RMC1: variants seen among roughly 807,000 people sequenced by gnomAD.
RMC1 encodes the protein regulator of MON1-CCZ1.
A neutral mutation model predicts 95.5 loss-of-function variants in RMC1; 44 were observed. That is an observed-to-expected ratio of 0.46 (90% CI 0.36 to 0.59). RMC1 has a LOEUF of 0.59. Ranked by LOEUF, RMC1 falls within the 20% of genes least tolerant of loss-of-function variation. RMC1 has a pLI of 0.00. For missense variants in RMC1, 705 were observed against 819.6 expected (o/e 0.86, Z 1.71); for synonymous variants, 320 against 303.6 (o/e 1.05, Z -0.56).
intron 10 of RMC1, among the ~76,000 whole-genome samples, chr18:23,523,543 C>CAAAAAAAAAAAAAAAAAAAA (rs374224848): frequency 2.6e-5 from 2 of 76,408 alleles, no homozygotes; most frequent in Non-Finnish European, 4.7e-5. Context: ...CTTGTCTTCA[C>CAAAAAAAAAAAAAAAAAAAA]AAAAAAAAAA....
At chr18:23,519,213 T>C (rs1455717751) in intron 9 of RMC1, 39 bp downstream of exon 9, 1 of 1,577,178 alleles carries the variant, frequency 6.3e-7, no homozygotes, top group East Asian at 2.2e-5. Flanking sequence ...TTAAGGTTGC[T>C]TAAAAGCCTT....
intron 7 of RMC1, 85 bp downstream of exon 7, chr18:23,516,508 G>C: frequency 7.2e-7 from 1 of 1,386,514 alleles, no homozygotes; most frequent in Non-Finnish European, 1.0e-6. Context: ...AGCACCACGT[G>C]ATGCCCTGAC....
intron 16 of RMC1, 57 bp downstream of exon 16, chr18:23,529,769 C>T (rs778208038): frequency 2.7e-6 from 4 of 1,493,182 alleles, no homozygotes; most frequent in Non-Finnish European, 2.8e-6. Context: ...AAAAAAAACA[C>T]AGTCACTGTC....
chr18:23,525,768 G>C (rs2058281318), intron 12 of RMC1, among the ~76,000 whole-genome samples: 1 of 152,048 alleles, frequency 6.6e-6, no homozygotes, highest in South Asian at 2.1e-4. Flanking sequence ...TGTTGCCCCT[G>C]TGTCTCTAAT....
At chr18:23,510,323 A>AG (rs1253034131) in intron 5 of RMC1, among the ~76,000 whole-genome samples, 2 of 144,628 alleles carry the variant, frequency 1.4e-5, no homozygotes, top group East Asian at 4.3e-4. Flanking sequence ...ACCCCATCTC[A>AG]AAAAAAAAAA....
chr18:23,505,014 A>G (rs1014129619), intron 2 of RMC1, among the ~76,000 whole-genome samples: 18 of 152,180 alleles, frequency 1.2e-4, no homozygotes, highest in African/African-American at 4.3e-4. Context: ...TAGGCCCTCA[A>G]TTCAGTAGTG....
chr18:23,516,043 CCT>C (rs765277410), intron 6 of RMC1, 47 bp downstream of exon 6: 31 of 1,612,498 alleles, frequency 1.9e-5, no homozygotes, highest in African/African-American at 8.0e-5. Context: ...CCAGTTGTCC[CCT>C]GTTCCTGTAG....
chr18:23,528,857 T>C (rs1425163281), intron 14 of RMC1: 4 of 206,828 alleles, frequency 1.9e-5, no homozygotes, highest in African/African-American at 2.4e-5. Context: ...CCCACAGCTA[T>C]TGCATAATCT....
chr18:23,517,839 T>G (rs566964294), intron 7 of RMC1, among the ~76,000 whole-genome samples: 68 of 152,292 alleles, frequency 4.5e-4, no homozygotes, highest in African/African-American at 1.6e-3. Context: ...TGCCACAGTC[T>G]CCCAAGTAGC....
At chr18:23,506,862 C>G in intron 2 of RMC1, 108 bp from the exon 3 acceptor site, 1 of 752,774 alleles carries the variant, frequency 1.3e-6, no homozygotes, top group Non-Finnish European at 2.2e-6. Context: ...TAATTTTAGA[C>G]TAGAATTTGC....
At chr18:23,531,407 G>A (rs779818258) in intron 19 of RMC1, 28 of 879,638 alleles carry the variant, frequency 3.2e-5, no homozygotes, top group Admixed American at 1.1e-4. Flanking sequence ...AATGTAAGAC[G>A]GCATTTAGTT....
At chr18:23,506,428 T>G (rs1018114683) in intron 2 of RMC1, 1 of 152,256 alleles carries the variant, frequency 6.6e-6, no homozygotes. Flanking sequence ...AGACGGGGTC[T>G]CACTGTGTTG....
Position 23,503,711 on chromosome 18 carries a change from C to T in RMC1, c.93C>T (p.Ala31=). 6.3e-7 allele frequency: 1 copy of T among 1,589,280 alleles called. No homozygotes were observed. Among genetic ancestry groups the T allele is most frequent in the Non-Finnish European group, 8.6e-7 (1 of 1,168,738 alleles). The change falls in exon 1 of 20, where the codon GCC becomes GCT. Residue 31 remains alanine, a synonymous_variant. Coordinates refer to ENST00000269221, the MANE Select transcript of RMC1 (RefSeq NM_013326.5). The part of the protein sequence containing the change: ...NPVNCVFFDE[A]NKQVFAVRSG... ...TCAACTGCGTCTTCTTCGATGAGGC[C>T]AACAAGCAGGTCCGGCGCGCCCGCG...
At chr18:23,520,716 A>G (rs1464210036) in intron 10 of RMC1, among the ~76,000 whole-genome samples, 1 of 151,608 alleles carries the variant, frequency 6.6e-6, no homozygotes, top group Admixed American at 6.6e-5. Flanking sequence ...GCTCACTGCA[A>G]CCTCCACCTG....
chr18:23,531,544 A>G (rs1018730310), intron 19 of RMC1, 81 bp from the exon 20 acceptor site: 1 of 1,564,584 alleles, frequency 6.4e-7, no homozygotes, highest in African/African-American at 1.4e-5. Context: ...GTTAAAACCC[A>G]GTAGACACAC....
At chr18:23,510,760 C>T (rs1022683381) in intron 5 of RMC1, among the ~76,000 whole-genome samples, 7 of 152,182 alleles carry the variant, frequency 4.6e-5, no homozygotes, top group African/African-American at 1.4e-4. Context: ...AAATGCAAAT[C>T]AAAACCACAA....
intron 5 of RMC1, among the ~76,000 whole-genome samples, chr18:23,513,237 A>G (rs2057911067): frequency 6.6e-6 from 1 of 152,244 alleles, no homozygotes; most frequent in Admixed American, 6.5e-5. Flanking sequence ...TACAGGCGTG[A>G]GCCACTGTGT....
At chr18:23,517,083 A>AT (rs1206212740) in intron 7 of RMC1, among the ~76,000 whole-genome samples, 5 of 152,068 alleles carry the variant, frequency 3.3e-5, no homozygotes, top group Admixed American at 6.6e-5. Context: ...AAGAAAATAG[A>AT]TTAAGATTTT....
intron 2 of RMC1, chr18:23,506,658 A>T: frequency 3.9e-6 from 1 of 257,870 alleles, no homozygotes; most frequent in Non-Finnish European, 7.5e-6. Flanking sequence ...AGAGAGAAAC[A>T]GCAGTTACGG....
Sources: gnomAD v4.1 joint callset for allele counts (sites outside exome capture counted in the v4.1 genomes callset) on GRCh38, gnomAD v4.1.1 for gene constraint, MANE v1.5 for transcripts, NCBI Gene and HGNC (gene_info 2026-07-23, HGNC 2026-07-21) for gene names.